ATOSA: variants seen among roughly 807,000 people sequenced by gnomAD.
The protein encoded by ATOSA is atos homolog protein A.
At chr15:52,608,653 T>G in the ATOSA span, 3 of 1,611,448 alleles carry the variant, frequency 1.9e-6, no homozygotes, top group Non-Finnish European at 2.5e-6. Context: ...GGATTTTTCA[T>G]TAGTTGGATC....
chr15:52,656,348 C>T, the ATOSA span: 1 of 152,108 alleles, frequency 6.6e-6, no homozygotes, highest in South Asian at 2.1e-4. Context: ...TTGACTTCCA[C>T]TTACATGAGA....
the ATOSA span, among the ~76,000 whole-genome samples, chr15:52,662,492 C>T: frequency 1.6e-4 from 24 of 152,158 alleles, no homozygotes; most frequent in East Asian, 5.8e-4. Flanking sequence ...GACATAGGGC[C>T]GGGCACGGTG....
chr15:52,704,558 A>G, the ATOSA span, among the ~76,000 whole-genome samples: 1 of 152,224 alleles, frequency 6.6e-6, no homozygotes. Flanking sequence ...CTATCATCAG[A>G]GTAAGCAGAC....
chr15:52,664,305 T>A, the ATOSA span, among the ~76,000 whole-genome samples: 127 of 152,334 alleles, frequency 8.3e-4, 3 homozygotes, highest in East Asian at 0.021. Flanking sequence ...TAGTTACAGT[T>A]CTAGAATCCT....
the ATOSA span, among the ~76,000 whole-genome samples, chr15:52,636,488 T>C: frequency 3.3e-5 from 5 of 152,166 alleles, no homozygotes; most frequent in African/African-American, 9.7e-5. Context: ...CCCGTACAAC[T>C]GGGAATATAA....
chr15:52,611,359 G>T, the ATOSA span: 2 of 1,411,352 alleles, frequency 1.4e-6, no homozygotes, highest in African/African-American at 1.4e-5. Flanking sequence ...CAGGATTTGT[G>T]CTTTGAAGAG....
the ATOSA span, among the ~76,000 whole-genome samples, chr15:52,641,813 T>C: frequency 6.6e-6 from 1 of 152,244 alleles, no homozygotes; most frequent in Non-Finnish European, 1.5e-5. Flanking sequence ...TATTGCTCTG[T>C]TTCCTCTTTG....
the ATOSA span, among the ~76,000 whole-genome samples, chr15:52,637,028 G>GT: frequency 6.6e-6 from 1 of 152,140 alleles, no homozygotes; most frequent in African/African-American, 2.4e-5. Flanking sequence ...AGCAATTACA[G>GT]TAACTATCCA....
At chr15:52,654,457 C>T in the ATOSA span, among the ~76,000 whole-genome samples, 27 of 152,258 alleles carry the variant, frequency 1.8e-4, 1 homozygote, top group East Asian at 5.2e-3. Flanking sequence ...GGCGCATTAT[C>T]TACTTTGTAA....
chr15:52,635,628 T>G, the ATOSA span, among the ~76,000 whole-genome samples: 1 of 151,356 alleles, frequency 6.6e-6, no homozygotes, highest in Non-Finnish European at 1.5e-5. Context: ...CCTGAGAGTT[T>G]GAGGCTGCAG....
the ATOSA span, among the ~76,000 whole-genome samples, chr15:52,695,268 G>A: frequency 6.6e-6 from 1 of 152,116 alleles, no homozygotes; most frequent in African/African-American, 2.4e-5. Flanking sequence ...AATTGCTCAG[G>A]CTAAAGTACT....
At chr15:52,659,649 T>A in the ATOSA span, among the ~76,000 whole-genome samples, 1 of 152,166 alleles carries the variant, frequency 6.6e-6, no homozygotes, top group South Asian at 2.1e-4. Flanking sequence ...AAATGAGCTA[T>A]TTTAATCTAT....
At chr15:52,622,736 C>T in the ATOSA span, among the ~76,000 whole-genome samples, 1 of 151,886 alleles carries the variant, frequency 6.6e-6, no homozygotes, top group Non-Finnish European at 1.5e-5. Flanking sequence ...GCATTCTGAG[C>T]AGTGTCAAAG....
the ATOSA span, among the ~76,000 whole-genome samples, chr15:52,615,836 G>A: frequency 6.6e-6 from 1 of 152,126 alleles, no homozygotes; most frequent in Non-Finnish European, 1.5e-5. Flanking sequence ...CCTTCTACAC[G>A]TCAACTGATT....
the ATOSA span, chr15:52,651,979 G>A: frequency 6.5e-7 from 1 of 1,532,560 alleles, no homozygotes; most frequent in East Asian, 2.4e-5. Context: ...GAGGGATCCA[G>A]ATGTCTGCAG....
the ATOSA span, among the ~76,000 whole-genome samples, chr15:52,700,208 T>C: frequency 6.6e-6 from 1 of 152,212 alleles, no homozygotes; most frequent in African/African-American, 2.4e-5. Context: ...TAAAATTTGC[T>C]TGTCAATAAA....
At chr15:52,690,069 T>C in the ATOSA span, among the ~76,000 whole-genome samples, 2 of 152,222 alleles carry the variant, frequency 1.3e-5, no homozygotes, top group Admixed American at 1.3e-4. Context: ...TAAACAAGTT[T>C]GTAACAAAGG....
the ATOSA span, among the ~76,000 whole-genome samples, chr15:52,693,681 C>T: frequency 6.6e-6 from 1 of 152,164 alleles, no homozygotes; most frequent in Non-Finnish European, 1.5e-5. Context: ...TATTGTCGGT[C>T]CTTCCTCAAT....
At chr15:52,586,286 C>T in the ATOSA span, 2 of 152,124 alleles carry the variant, frequency 1.3e-5, no homozygotes, top group African/African-American at 2.4e-5. Context: ...ACACATGTTA[C>T]ATACTTCTGT....
Sources: allele counts gnomAD v4.1 joint callset (sites outside exome capture counted in the v4.1 genomes callset), GRCh38; gene constraint gnomAD v4.1.1; transcripts MANE v1.5; gene names NCBI Gene and HGNC (gene_info 2026-07-23, HGNC 2026-07-21).